Variants in YES1 observed in about 807,000 individuals in gnomAD.
YES1 encodes YES proto-oncogene 1, Src family tyrosine kinase.
YES1 carries 39 observed loss-of-function variants against 70.4 expected under a neutral mutation model. The ratio of observed to expected loss-of-function variants is 0.55; its 90% CI spans 0.43 to 0.72. YES1 has a LOEUF of 0.72. YES1 is among the 30% of genes least tolerant of loss of function. YES1 has a pLI of 0.00. For synonymous variants in YES1, 198 were observed against 218.6 expected, an observed-to-expected ratio of 0.91 and a Z score of 0.83; for missense variants, 495 against 644.8, an observed-to-expected ratio of 0.77 and a Z score of 2.52.
At chr18:751,451 C>CAA (rs1293148642) in intron 3 of YES1, among the ~76,000 whole-genome samples, 18 of 152,144 alleles carry the variant, frequency 1.2e-4, no homozygotes, top group African/African-American at 4.3e-4. Context: ...CATGTACTCC[C>CAA]CTCAGTAACT....
At chr18:763,774 T>C (rs1904719012) in intron 1 of YES1, among the ~76,000 whole-genome samples, 1 of 143,578 alleles carries the variant, frequency 7.0e-6, no homozygotes, top group Admixed American at 7.1e-5. Flanking sequence ...AAATGAGAAG[T>C]GTATAAGTAT....
chr18:788,614 T>C (rs928486614), intron 1 of YES1, among the ~76,000 whole-genome samples: 1 of 152,192 alleles, frequency 6.6e-6, no homozygotes, highest in Non-Finnish European at 1.5e-5. Flanking sequence ...TGATACTACT[T>C]TGTGCTCTTA....
chr18:773,061 CTCT>C (rs1233719560), intron 1 of YES1, among the ~76,000 whole-genome samples: 5 of 152,226 alleles, frequency 3.3e-5, no homozygotes, highest in African/African-American at 1.2e-4. Flanking sequence ...TTAGCACAAT[CTCT>C]TCTTAACATA....
At position 739,654 on chromosome 18, in the gene YES1, T is replaced by C. The variant is rs898325287; in HGVS notation, c.1137+81A>G. 1.7e-5 allele frequency: 19 copies of C among 1,093,720 alleles called. No individual in the cohort carries two copies. In the Admixed American group the frequency reaches 4.5e-4, roughly 26 times the overall value. The allele number at this position is 1,093,720 out of a possible 1,614,324, so 67.8% of individuals were successfully genotyped here. A position where few individuals can be genotyped will look rare whatever the true frequency, so the allele number is the denominator to read the frequency against. On this transcript the variant is annotated intron_variant, in intron 9 of 11. Coordinates refer to ENST00000314574, the MANE Select transcript of YES1 (RefSeq NM_005433.4). ...TAAAATCCCACCATTTCACTACACA[T>C]ACTATAATATTCTGGTAAGATTATT... is the stretch of plus-strand genomic sequence containing the variant.
chr18:756,113 A>G (rs186510986), intron 2 of YES1, among the ~76,000 whole-genome samples: 210 of 152,340 alleles, frequency 1.4e-3, no homozygotes, highest in African/African-American at 4.8e-3. Flanking sequence ...AATCAGCAGC[A>G]TCTGGGAGAA....
chr18:729,619 C>CTTTTTTTTTTT (rs869223956), intron 11 of YES1, among the ~76,000 whole-genome samples: 1 of 75,384 alleles, frequency 1.3e-5, no homozygotes, highest in Non-Finnish European at 2.3e-5. Context: ...TGATTTTGAA[C>CTTTTTTTTTTT]TTTTTTTTTT....
chr18:812,660 G>T (rs73372156), upstream of YES1: 15,710 of 152,646 alleles, frequency 0.1, 970 homozygotes, highest in Admixed American at 0.21. Flanking sequence ...CTTCCCACCC[G>T]CGAACCCACC....
intron 11 of YES1, among the ~76,000 whole-genome samples, chr18:729,525 C>G (rs996833366): frequency 6.7e-6 from 1 of 148,706 alleles, no homozygotes. Context: ...CAAAACTTTT[C>G]TTCTATTTTA....
rs1431013968 is a variant in YES1 at position 743,069 on chromosome 18, T to A, written c.909A>T (p.Ala303=). 3 of 1,601,450 alleles carry A rather than the reference T, an allele frequency of 1.9e-6. No individual in the cohort carries two copies. In the Admixed American group the frequency reaches 5.3e-5, roughly 29 times the overall value. The change falls in exon 8 of 12, where the codon GCA becomes GCT. Residue 303 remains alanine, a synonymous_variant. Coordinates refer to ENST00000314574, the MANE Select transcript of YES1 (RefSeq NM_005433.4). ...TTGTACCTGGTTTTAGTGTTTTGAT[T>A]GCTACTTTCGTGGTTCCATTCCATG... The part of the protein sequence containing the change: ...MGTWNGTTKV[A]IKTLKPGTMM...
At chr18:811,414 T>A (rs993717793) in intron 1 of YES1, among the ~76,000 whole-genome samples, 8 of 152,132 alleles carry the variant, frequency 5.3e-5, no homozygotes, top group African/African-American at 1.9e-4. Context: ...CTCTGCCCCA[T>A]GCCCAATAAA....
chr18:762,205 A>G (rs968782863), intron 1 of YES1, among the ~76,000 whole-genome samples: 3 of 152,236 alleles, frequency 2.0e-5, no homozygotes, highest in Non-Finnish European at 4.4e-5. Flanking sequence ...CTGTAATCTC[A>G]GCTACTCAGG....
At chr18:789,989 T>G (rs937681370) in intron 1 of YES1, among the ~76,000 whole-genome samples, 1 of 148,348 alleles carries the variant, frequency 6.7e-6, no homozygotes, top group Non-Finnish European at 1.5e-5. Context: ...ACCAGGGAGG[T>G]TGAGGATGCA....
At chr18:807,068 G>C (rs1433307999) in intron 1 of YES1, among the ~76,000 whole-genome samples, 1 of 152,170 alleles carries the variant, frequency 6.6e-6, no homozygotes, top group African/African-American at 2.4e-5. Flanking sequence ...CTAAGAATTT[G>C]AGACCAGCCT....
intron 3 of YES1, among the ~76,000 whole-genome samples, chr18:751,080 G>A (rs992942806): frequency 3.3e-5 from 5 of 152,070 alleles, no homozygotes; most frequent in African/African-American, 7.2e-5. Flanking sequence ...TTTATGTTCC[G>A]GAACAATAAC....
In YES1 at chr18:725,334, C is replaced by T. The variant is rs545829440; in HGVS notation, c.1424-702G>A. ...TCACCTTCCTTCCCTGCCTGCAAGT[C>T]AGGCCATCCCTTGTATCTCTTGGAA... On this transcript the variant is annotated intron_variant, in intron 11 of 11. Transcript: ENST00000314574. Among the ~76,000 whole-genome samples, 53 of 152,278 alleles carry T rather than the reference C, an allele frequency of 3.5e-4. 1 individual carries two copies. The highest frequency in any genetic ancestry group is 1.3e-3 in the African/African-American group (52 of 41,556).
intron 8 of YES1, among the ~76,000 whole-genome samples, chr18:740,662 G>C (rs1001159044): frequency 6.6e-6 from 1 of 152,172 alleles, no homozygotes; most frequent in African/African-American, 2.4e-5. Flanking sequence ...AAAGGGACAA[G>C]TGCTAAGTGA....
rs965477981 is a variant in YES1 at position 799,942 on chromosome 18, A to G, written c.-9+12172T>C. On this transcript the variant is annotated intron_variant, in intron 1 of 11. Transcript: ENST00000314574. ...AAAAGAAGGTATGATTGCTGGACAT[A>G]TATTTATGGAATATGATATAAAAAA... Among the ~76,000 whole-genome samples the G allele has an allele frequency of 7.9e-5, 12 of 152,270 alleles. No individual in the cohort carries two copies. In the East Asian group the frequency reaches 9.7e-4, roughly 12 times the overall value.
Position 748,009 on chromosome 18 carries a change from A to G in YES1, c.381T>C (p.Asp127=). 6.2e-7 allele frequency: 1 copy of G among 1,613,810 alleles called. No individual in the cohort carries two copies. The highest frequency in any genetic ancestry group is 8.5e-7 in the Non-Finnish European group (1 of 1,179,930). Residue 127 remains aspartate (D), a synonymous_variant, in exon 4 of 12, where the codon GAT becomes GAC. Coordinates refer to ENST00000314574, the MANE Select transcript of YES1 (RefSeq NM_005433.4). ...TAGCGATTGATCTTGCTTCCCACCA[A>G]TCTCCTTCCCTGCAACACATAAAAC... The part of the protein sequence containing the change: ...RFQIINNTEG[D]WWEARSIATG...
chr18:739,571 T>G (rs947990540), intron 9 of YES1, 164 bp downstream of exon 9: 10 of 532,634 alleles, frequency 1.9e-5, no homozygotes, highest in Non-Finnish European at 3.2e-5. Flanking sequence ...AGTGCACCAC[T>G]GCATTCCACC....
Sources: gnomAD v4.1 joint callset for allele counts (sites outside exome capture counted in the v4.1 genomes callset) on GRCh38, gnomAD v4.1.1 for gene constraint, MANE v1.5 for transcripts, NCBI Gene and HGNC (gene_info 2026-07-23, HGNC 2026-07-21) for gene names.